Variants in AREL1 observed in about 807,000 individuals in gnomAD.
The protein encoded by AREL1 is apoptosis resistant E3 ubiquitin protein ligase 1, also known as apoptosis-resistant E3 ubiquitin protein ligase 1.
A neutral mutation model predicts 99.0 loss-of-function variants in AREL1; 62 were observed. That is an observed-to-expected ratio of 0.63 (90% CI 0.51 to 0.77). The LOEUF (loss-of-function observed/expected upper bound fraction) is 0.77. Ranked by LOEUF, AREL1 falls within the 30% of genes least tolerant of loss-of-function variation. The probability of loss-of-function intolerance (pLI) is 0.00; values close to 1 mark genes in which losing one functional copy is unlikely to be tolerated. For missense variants in AREL1, 879 were observed against 1,027.6 expected (o/e 0.86, Z 1.98); for synonymous variants, 380 against 376.5 (o/e 1.01, Z -0.11).
intron 10 of AREL1, 61 bp downstream of exon 10, chr14:74,673,016 C>T (rs2089387282): frequency 8.7e-6 from 14 of 1,613,814 alleles, no homozygotes; most frequent in Non-Finnish European, 1.2e-5. Context: ...TCCTGCCTCT[C>T]CACCCTCATG....
At chr14:74,690,764 C>T (rs1339012676) in intron 2 of AREL1, among the ~76,000 whole-genome samples, 1 of 152,088 alleles carries the variant, frequency 6.6e-6, no homozygotes, top group Non-Finnish European at 1.5e-5. Context: ...ATAAATATGG[C>T]ATATTGTGAT....
chr14:74,678,695 CAAAAAAA>C (rs71119311), intron 5 of AREL1, among the ~76,000 whole-genome samples: 2 of 95,386 alleles, frequency 2.1e-5, no homozygotes, highest in East Asian at 2.9e-4. Flanking sequence ...CATGTATAAG[CAAAAAAA>C]AAAAAAAAAA....
At chr14:74,670,543 A>C in intron 13 of AREL1, 1 of 526,828 alleles carries the variant, frequency 1.9e-6, no homozygotes. Context: ...TAATGTTTTT[A>C]GTCAAATATT....
chr14:74,685,538 G>C, intron 3 of AREL1, 62 bp downstream of exon 3: 1 of 1,590,978 alleles, frequency 6.3e-7, no homozygotes, highest in Non-Finnish European at 8.6e-7. Flanking sequence ...AGGCAGAAAG[G>C]CAAAAAGGAC....
chr14:74,688,251 T>A (rs1005014919), intron 2 of AREL1, among the ~76,000 whole-genome samples: 2 of 152,028 alleles, frequency 1.3e-5, no homozygotes, highest in African/African-American at 4.8e-5. Flanking sequence ...GGTCTCGATC[T>A]CATGACCTCG....
chr14:74,666,860 C>T (rs2089220957), intron 17 of AREL1, among the ~76,000 whole-genome samples: 1 of 151,820 alleles, frequency 6.6e-6, no homozygotes. Flanking sequence ...GCTGGGATTA[C>T]AAGCGTGCAT....
chr14:74,680,935 C>T (rs2089613339), intron 5 of AREL1, among the ~76,000 whole-genome samples: 1 of 152,182 alleles, frequency 6.6e-6, no homozygotes, highest in Non-Finnish European at 1.5e-5. Context: ...GTAATCCCAG[C>T]ACCTTGGGAG....
intron 2 of AREL1, among the ~76,000 whole-genome samples, chr14:74,686,057 T>C (rs2089741633): frequency 1.3e-5 from 2 of 152,210 alleles, no homozygotes; most frequent in Non-Finnish European, 2.9e-5. Flanking sequence ...TGTTTGCCTT[T>C]TGGGAGTAAT....
At chr14:74,675,172 A>G (rs2089443227) in intron 8 of AREL1, among the ~76,000 whole-genome samples, 1 of 152,188 alleles carries the variant, frequency 6.6e-6, no homozygotes, top group Non-Finnish European at 1.5e-5. Flanking sequence ...CCTCATTACC[A>G]TCACCCCTAG....
At chr14:74,671,369 G>T in intron 12 of AREL1, 39 bp downstream of exon 12, 1 of 941,910 alleles carries the variant, frequency 1.1e-6, no homozygotes, top group Non-Finnish European at 1.6e-6. Flanking sequence ...GAGTGGGGAG[G>T]AGAGTTCAAA....
chr14:74,673,010 G>A (rs1379543795), intron 10 of AREL1, 58 bp from the exon 11 acceptor site: 1 of 1,613,808 alleles, frequency 6.2e-7, no homozygotes, highest in African/African-American at 1.3e-5. Flanking sequence ...GTGTAGTCCT[G>A]CCTCTCCACC....
At chr14:74,708,182 A>G (rs1168769467) in intron 1 of AREL1, among the ~76,000 whole-genome samples, 2 of 152,192 alleles carry the variant, frequency 1.3e-5, no homozygotes, top group African/African-American at 4.8e-5. Context: ...AAAGGTATAC[A>G]GGAATACTCT....
intron 1 of AREL1, among the ~76,000 whole-genome samples, chr14:74,694,153 C>A (rs936119090): frequency 1.3e-5 from 2 of 151,628 alleles, no homozygotes; most frequent in African/African-American, 4.9e-5. Context: ...CCACCCTGGG[C>A]AACAGAGCCA....
chr14:74,712,050 AAAAAAAAAAAAAAAAAAGAAAAAAAAAG>A (rs2090309969), intron 1 of AREL1: 2 of 54,410 alleles, frequency 3.7e-5, no homozygotes, highest in South Asian at 1.3e-3. Context: ...AAAAAAAAAA[AAAAAAAAAAAAAAAAAAGAAAAAAAAAG>A]AAAGAAAGAA....
At chr14:74,678,689 T>A (rs2089551902) in intron 5 of AREL1, among the ~76,000 whole-genome samples, 1 of 98,004 alleles carries the variant, frequency 1.0e-5, no homozygotes, top group Non-Finnish European at 2.0e-5. Context: ...TAAAGACATG[T>A]ATAAGCAAAA....
At chr14:74,676,963 AT>A (rs1190279604) in intron 5 of AREL1, among the ~76,000 whole-genome samples, 5 of 150,906 alleles carry the variant, frequency 3.3e-5, no homozygotes, top group African/African-American at 4.9e-5. Flanking sequence ...TGCCCAGAGA[AT>A]TTTTTTTTGT....
intron 3 of AREL1, 27 bp from the exon 4 acceptor site, chr14:74,684,707 C>A (rs781754610): frequency 6.2e-7 from 1 of 1,600,296 alleles, no homozygotes; most frequent in Admixed American, 1.7e-5. Context: ...ACACACAAAC[C>A]GCCTGCCAGT....
chr14:74,673,919 G>A, intron 9 of AREL1, 115 bp downstream of exon 9: 1 of 826,140 alleles, frequency 1.2e-6, no homozygotes, highest in South Asian at 1.7e-5. Context: ...CGAATCCTGT[G>A]TACACTGTGA....
In AREL1 at chr14:74,689,891, C is replaced by T. The variant is rs968937577; in HGVS notation, c.-46+2150G>A. ...GATTACAGGTGTGAGCCACCATGCC[C>T]GGCCTAGCACTTTTATTCTTTTAGT... On this transcript the variant is annotated intron_variant, in intron 2 of 19. Transcript: ENST00000356357. 4.1e-4 allele frequency among the ~76,000 whole-genome samples: 62 copies of T among 151,708 alleles called. 1 individual carries two copies. Among genetic ancestry groups the T allele is most frequent in the Non-Finnish European group, 8.0e-4 (54 of 67,896 alleles).
Sources: gnomAD v4.1 joint callset for allele counts (sites outside exome capture counted in the v4.1 genomes callset) on GRCh38, gnomAD v4.1.1 for gene constraint, MANE v1.5 for transcripts, NCBI Gene and HGNC (gene_info 2026-07-23, HGNC 2026-07-21) for gene names.